TOX: variants seen among roughly 807,000 people sequenced by gnomAD.
The protein encoded by TOX is thymocyte selection-associated high mobility group box protein TOX.
Under a neutral mutation model 53.7 loss-of-function variants are expected in TOX, and 11 were observed. The observed-to-expected ratio is 0.20, with a 90% CI of 0.13 to 0.34. TOX has a LOEUF of 0.34. Ranked by LOEUF, TOX falls within the 10% of genes least tolerant of loss-of-function variation. The pLI, the probability that TOX is intolerant of heterozygous loss-of-function variation, is 1.00. For missense variants in TOX, 570 were observed against 664.6 expected (o/e 0.86, Z 1.56); for synonymous variants, 225 against 245.3 (o/e 0.92, Z 0.77).
chr8:58,851,611 G>C lies in TOX; in HGVS notation c.606C>G (p.His202Gln), dbSNP rs1810823149. ...TGCTTCCAGGTGGAGATGGTGAGTT[G>C]TGGGGAACATTGCTTCCTCCCATAT... ...GLNMGGSNVP[H>Q]NSPSPPGSKS... is the part of the protein sequence containing the mutation. The change falls in exon 4 of 9, where the codon CAC (histidine) becomes CAG (glutamine). Residue 202 changes from histidine to glutamine, a missense_variant. This residue lies in a region of TOX where 282 missense variants were observed against 315.0 expected (regional missense o/e 0.90). Coordinates refer to ENST00000361421, the MANE Select transcript of TOX (RefSeq NM_014729.3). The surrounding 1 kb of genome is among the most constrained non-coding windows in gnomAD (Gnocchi z 4.4). The C allele has an allele frequency of 6.2e-7, 1 of 1,613,554 alleles. No individual in the cohort carries two copies. The highest frequency in any genetic ancestry group is 1.3e-5 in the African/African-American group (1 of 74,870).
intron 5 of TOX, among the ~76,000 whole-genome samples, chr8:58,837,669 G>A (rs1563366163): frequency 6.6e-6 from 1 of 152,162 alleles, no homozygotes; most frequent in Non-Finnish European, 1.5e-5. Context: ...TTGAATTTGA[G>A]GTTCATTTAG....
At chr8:58,925,373 T>C (rs1275676448) in intron 3 of TOX, among the ~76,000 whole-genome samples, 2 of 152,206 alleles carry the variant, frequency 1.3e-5, no homozygotes, top group Non-Finnish European at 2.9e-5. Context: ...TCTTCTCCAG[T>C]TGCCCAAGAT....
chr8:59,032,290 A>G (rs536559196), intron 1 of TOX, among the ~76,000 whole-genome samples: 3 of 152,376 alleles, frequency 2.0e-5, no homozygotes, highest in African/African-American at 7.2e-5. Flanking sequence ...TTAAGTTTAT[A>G]GTGGAGCTGT....
intron 1 of TOX, among the ~76,000 whole-genome samples, chr8:58,987,375 C>T (rs1299956509): frequency 2.0e-5 from 3 of 152,108 alleles, no homozygotes; most frequent in South Asian, 2.1e-4. Context: ...AGAGAAATGG[C>T]GTGCTAGGAA....
At chr8:58,885,427 T>C (rs1811449493) in intron 3 of TOX, among the ~76,000 whole-genome samples, 1 of 152,140 alleles carries the variant, frequency 6.6e-6, no homozygotes, top group Non-Finnish European at 1.5e-5. Context: ...CTTTAAACTA[T>C]GTATAAAATA....
At chr8:58,953,128 T>C (rs754065862) in intron 2 of TOX, among the ~76,000 whole-genome samples, 17 of 151,988 alleles carry the variant, frequency 1.1e-4, no homozygotes, top group Admixed American at 2.0e-4. Context: ...ATAATAATAA[T>C]AAATAATAAT....
intron 1 of TOX, among the ~76,000 whole-genome samples, chr8:59,059,994 C>G (rs1803952091): frequency 1.3e-5 from 2 of 151,372 alleles, no homozygotes; most frequent in African/African-American, 2.4e-5. Context: ...ATCTTTTTAT[C>G]TTTTACCTTG....
chr8:58,840,143 T>C (rs1174550168), intron 4 of TOX, among the ~76,000 whole-genome samples: 1 of 152,242 alleles, frequency 6.6e-6, no homozygotes, highest in Non-Finnish European at 1.5e-5. Flanking sequence ...GTATGAAAGA[T>C]ATACCTAAGC....
At chr8:59,097,732 T>C (rs1252739072) in intron 1 of TOX, among the ~76,000 whole-genome samples, 2 of 152,172 alleles carry the variant, frequency 1.3e-5, no homozygotes, top group Non-Finnish European at 2.9e-5. Context: ...CCATGGTTTC[T>C]TGAGGAATTA....
intron 5 of TOX, among the ~76,000 whole-genome samples, chr8:58,833,047 T>C (rs1037599375): frequency 2.6e-5 from 4 of 152,184 alleles, no homozygotes; most frequent in Non-Finnish European, 5.9e-5. Context: ...AAATACACTC[T>C]GGGTACCGTG....
intron 1 of TOX, among the ~76,000 whole-genome samples, chr8:59,091,725 T>C (rs1804610725): frequency 6.6e-6 from 1 of 152,152 alleles, no homozygotes; most frequent in Admixed American, 6.6e-5. Context: ...TATAAATGAC[T>C]TTCTTTCTCA....
intron 3 of TOX, among the ~76,000 whole-genome samples, chr8:58,912,825 T>C (rs947742560): frequency 2.6e-5 from 4 of 152,220 alleles, no homozygotes; most frequent in Non-Finnish European, 4.4e-5. Context: ...ATGAGCATGA[T>C]GACAATGCTA....
At position 58,816,680 on chromosome 8, in the gene TOX, G is replaced by C. The variant is rs867531434; in HGVS notation, c.1006-956C>G. Among the ~76,000 whole-genome samples, 5 of 152,158 alleles carry C rather than the reference G, an allele frequency of 3.3e-5. No homozygotes were observed. The South Asian group carries it at 1.0e-3, about 32-fold the overall frequency. The stretch of plus-strand genomic sequence containing the variant: ...TTTGTCAAAACAAGGTCTTGAGGAC[G>C]CATATATGCTTTTACTCTGCAATCT... On this transcript the variant is annotated intron_variant, in intron 6 of 8. Transcript: ENST00000361421.
At chr8:58,901,772 G>C (rs1207664525) in intron 3 of TOX, among the ~76,000 whole-genome samples, 1 of 152,152 alleles carries the variant, frequency 6.6e-6, no homozygotes, top group Admixed American at 6.6e-5. Context: ...GTTCAAGCTA[G>C]ATCAGGATGG....
chr8:59,025,173 G>A (rs1158767819), intron 1 of TOX, among the ~76,000 whole-genome samples: 1 of 152,106 alleles, frequency 6.6e-6, no homozygotes, highest in African/African-American at 2.4e-5. Context: ...GTACGCATCT[G>A]CAAGATTGAT....
At chr8:58,950,489 C>T (rs1307112116) in intron 2 of TOX, among the ~76,000 whole-genome samples, 1 of 152,180 alleles carries the variant, frequency 6.6e-6, no homozygotes, top group Non-Finnish European at 1.5e-5. Context: ...CAATCCTACT[C>T]CCAGGGAAGA....
chr8:59,020,335 T>C (rs1814098881), intron 1 of TOX, among the ~76,000 whole-genome samples: 1 of 152,192 alleles, frequency 6.6e-6, no homozygotes, highest in Admixed American at 6.5e-5. Flanking sequence ...CAACTATTAA[T>C]ATTTGTCATT....
chr8:58,891,578 C>T lies in TOX; in HGVS notation c.412-39773G>A, dbSNP rs1035543317. Among the ~76,000 whole-genome samples, 6 of 152,150 alleles carry T rather than the reference C, an allele frequency of 3.9e-5. No homozygotes were observed. The East Asian group carries it at 9.7e-4, about 25-fold the overall frequency. ...ACCCTCCCCTTGTAATCACGCCACC[C>T]GACTGCCTATGTAGGTAAGGGGAAC... On this transcript the variant is annotated intron_variant, in intron 3 of 8. Coordinates refer to ENST00000361421, the MANE Select transcript of TOX (RefSeq NM_014729.3).
intron 3 of TOX, among the ~76,000 whole-genome samples, chr8:58,894,789 G>A (rs547256412): frequency 1.3e-5 from 2 of 152,178 alleles, no homozygotes; most frequent in Admixed American, 6.5e-5. Context: ...CCAAATACTC[G>A]GGAGGCTGAG....
Sources: gnomAD v4.1 joint callset for allele counts (sites outside exome capture counted in the v4.1 genomes callset) on GRCh38, gnomAD v4.1.1 for gene constraint, gnomAD v4.1.1 regional missense constraint, Gnocchi (gnomAD v3.1) non-coding constraint, MANE v1.5 for transcripts, NCBI Gene and HGNC (gene_info 2026-07-23, HGNC 2026-07-21) for gene names.